AXDND1: variants seen among roughly 807,000 people sequenced by gnomAD.
AXDND1 encodes axonemal dynein light chain domain containing 1.
Under a neutral mutation model 137.5 loss-of-function variants are expected in AXDND1, and 110 were observed. The observed-to-expected ratio is 0.80, with a 90% CI of 0.69 to 0.94. The LOEUF is 0.94. Ranked by LOEUF, AXDND1 falls within the 40% of genes least tolerant of loss-of-function variation. The probability of loss-of-function intolerance (pLI) is 0.00; values close to 1 mark genes in which losing one functional copy is unlikely to be tolerated. For synonymous variants in AXDND1, 414 were observed against 399.7 expected, an observed-to-expected ratio of 1.04 and a Z score of -0.43; for missense variants, 1,191 against 1,169.8, an observed-to-expected ratio of 1.02 and a Z score of -0.26.
intron 4 of AXDND1, among the ~76,000 whole-genome samples, chr1:179,372,176 C>A (rs1668097833): frequency 6.6e-6 from 1 of 152,100 alleles, no homozygotes; most frequent in Non-Finnish European, 1.5e-5. Context: ...TCACCCAGAA[C>A]CCAGCAGTAA....
At chr1:179,493,710 A>G (rs1255107855) in intron 20 of AXDND1, among the ~76,000 whole-genome samples, 2 of 152,200 alleles carry the variant, frequency 1.3e-5, no homozygotes, top group Admixed American at 6.5e-5. Flanking sequence ...GCTAGAAGAG[A>G]AGAATTGGCT....
chr1:179,487,742 C>G (rs1215931748), intron 18 of AXDND1, among the ~76,000 whole-genome samples: 3 of 148,472 alleles, frequency 2.0e-5, no homozygotes, highest in Middle Eastern at 3.5e-3. Flanking sequence ...ATGCCTGTAA[C>G]TCGACACTTT....
chr1:179,474,216 CA>C (rs66935956), intron 17 of AXDND1, among the ~76,000 whole-genome samples: 20,964 of 92,142 alleles, frequency 0.23, 1,543 homozygotes, highest in East Asian at 0.47. Flanking sequence ...GACTCCACCT[CA>C]AAAAAAAAAA....
intron 11 of AXDND1, among the ~76,000 whole-genome samples, chr1:179,409,790 G>A (rs12756900): frequency 0.29 from 44,698 of 152,066 alleles, 6,789 homozygotes; most frequent in Non-Finnish European, 0.31. Context: ...TCCAGCCTGG[G>A]GGACAAGAGC....
chr1:179,485,554 A>G (rs1453544839), intron 18 of AXDND1, among the ~76,000 whole-genome samples: 5 of 152,308 alleles, frequency 3.3e-5, no homozygotes, highest in East Asian at 1.9e-4. Context: ...AAGGACAGCA[A>G]CTTCAAAGAC....
At chr1:179,439,136 A>G (rs1558180314) in intron 15 of AXDND1, among the ~76,000 whole-genome samples, 1 of 152,150 alleles carries the variant, frequency 6.6e-6, no homozygotes, top group East Asian at 1.9e-4. Flanking sequence ...TCCAGTTACC[A>G]TAGATTGTTT....
In AXDND1 at chr1:179,554,661, A is replaced by G. The variant is rs1572273161; in HGVS notation, c.*142A>G. ...TGAAAGGACATTATTTGCCTGTTGT[A>G]TTTAACTTCACAGTGCCTTGCAAAG... is the stretch of plus-strand genomic sequence containing the variant. On this transcript the variant is annotated 3_prime_UTR_variant, in exon 26 of 26. Transcript: ENST00000367618. The G allele has an allele frequency of 2.3e-6, 3 of 1,292,666 alleles. No homozygotes were observed. The East Asian group carries it at 7.1e-5, about 30-fold the overall frequency. 80.1% of individuals were successfully genotyped at this position (1,292,666 alleles called of 1,614,324 possible).
intron 16 of AXDND1, chr1:179,457,142 G>C: frequency 1.1e-6 from 1 of 889,106 alleles, no homozygotes; most frequent in Non-Finnish European, 1.9e-6. Flanking sequence ...CACCTTCTCC[G>C]CAGTGGCATG....
At chr1:179,392,263 A>G (rs1160796948) in intron 9 of AXDND1, among the ~76,000 whole-genome samples, 1 of 152,218 alleles carries the variant, frequency 6.6e-6, no homozygotes, top group African/African-American at 2.4e-5. Context: ...ATTTAGAATA[A>G]TGGTCTCAAA....
intron 12 of AXDND1, among the ~76,000 whole-genome samples, chr1:179,414,681 T>G (rs1029432358): frequency 9.9e-5 from 15 of 152,140 alleles, no homozygotes; most frequent in Non-Finnish European, 2.1e-4. Context: ...CACCTCAGCC[T>G]GCCAAAGTGC....
At chr1:179,459,973 CTTTT>C (rs778586070) in intron 16 of AXDND1, among the ~76,000 whole-genome samples, 1 of 92,920 alleles carries the variant, frequency 1.1e-5, no homozygotes, top group Non-Finnish European at 2.3e-5. Flanking sequence ...TTCTTTCTTT[CTTTT>C]TCTTTCTTTC....
At chr1:179,374,653 G>T (rs1190031364) in intron 4 of AXDND1, among the ~76,000 whole-genome samples, 1 of 152,094 alleles carries the variant, frequency 6.6e-6, no homozygotes, top group Admixed American at 6.6e-5. Context: ...CCGTAAAAAA[G>T]GATGAGTTCA....
intron 21 of AXDND1, among the ~76,000 whole-genome samples, chr1:179,523,823 A>G (rs919371451): frequency 1.3e-5 from 2 of 152,060 alleles, no homozygotes; most frequent in Admixed American, 1.3e-4. Context: ...CAAGCAGTGT[A>G]CACTGTACCC....
At chr1:179,521,527 G>A (rs913462636) in intron 21 of AXDND1, among the ~76,000 whole-genome samples, 1 of 151,804 alleles carries the variant, frequency 6.6e-6, no homozygotes. Flanking sequence ...TCCTTTTCTT[G>A]TTTCTGACTT....
intron 4 of AXDND1, among the ~76,000 whole-genome samples, chr1:179,374,410 AGT>A (rs1668361975): frequency 6.6e-6 from 1 of 152,226 alleles, no homozygotes; most frequent in African/African-American, 2.4e-5. Flanking sequence ...TGTGGAAGAC[AGT>A]GTGGTGATTC....
At chr1:179,373,506 C>T (rs1334641943) in intron 4 of AXDND1, among the ~76,000 whole-genome samples, 1 of 152,132 alleles carries the variant, frequency 6.6e-6, no homozygotes, top group Admixed American at 6.6e-5. Context: ...CAAAAAAGAG[C>T]CCACAGAGCC....
chr1:179,550,979 C>T (rs1673163590), intron 25 of AXDND1: 5 of 668,168 alleles, frequency 7.5e-6, no homozygotes, highest in Non-Finnish European at 1.3e-5. Context: ...GTCACGGAAA[C>T]ATGTTGTCTG....
chr1:179,515,825 C>CACTGCATAAGGATGTTTATG (rs1202779659), intron 21 of AXDND1, among the ~76,000 whole-genome samples: 1 of 152,104 alleles, frequency 6.6e-6, no homozygotes, highest in Non-Finnish European at 1.5e-5. Context: ...TACAGTCATG[C>CACTGCATAAGGATGTTTATG]ACTGCATAAG....
intron 25 of AXDND1, chr1:179,545,084 G>C (rs1461676611): frequency 6.6e-6 from 1 of 152,240 alleles, no homozygotes; most frequent in Non-Finnish European, 1.5e-5. Context: ...AGGCACAAGA[G>C]ATGGACTAAC....
Sources: allele counts gnomAD v4.1 joint callset (sites outside exome capture counted in the v4.1 genomes callset), GRCh38; gene constraint gnomAD v4.1.1; transcripts MANE v1.5; gene names NCBI Gene and HGNC (gene_info 2026-07-23, HGNC 2026-07-21).